The following ADARB2 variants were observed in gnomAD, a reference collection of about 807,000 sequenced individuals.
The protein encoded by ADARB2 is inactive double-stranded RNA-specific editase B2.
ADARB2 carries 25 observed loss-of-function variants against 62.2 expected under a neutral mutation model. The ratio of observed to expected loss-of-function variants is 0.40; its 90% CI spans 0.29 to 0.56. The LOEUF is 0.56. Among genes scored for constraint, ADARB2 ranks in the 20% least tolerant of loss-of-function variants. The pLI, the probability that ADARB2 is intolerant of heterozygous loss-of-function variation, is 0.43. For missense variants in ADARB2, 1,071 were observed against 1,077.4 expected (o/e 0.99, Z 0.08); for synonymous variants, 572 against 500.8 (o/e 1.14, Z -1.90).
chr10:1,414,029 C>T (rs954855873), intron 1 of ADARB2, among the ~76,000 whole-genome samples: 5 of 152,204 alleles, frequency 3.3e-5, no homozygotes, highest in Admixed American at 2.0e-4. Context: ...GTTCTTCAGA[C>T]GCTGTTCAGG....
At chr10:1,525,699 A>G (rs1181832967) in intron 1 of ADARB2, among the ~76,000 whole-genome samples, 2 of 152,200 alleles carry the variant, frequency 1.3e-5, no homozygotes, top group African/African-American at 4.8e-5. Context: ...GCACAGAGCT[A>G]GCCGAGGCAG....
At chr10:1,469,619 TGTC>T (rs879398867) in intron 1 of ADARB2, among the ~76,000 whole-genome samples, 35 of 152,320 alleles carry the variant, frequency 2.3e-4, no homozygotes, top group South Asian at 8.3e-4. Context: ...TGATGTTAGT[TGTC>T]GTAATTGATG....
chr10:1,688,759 T>C (rs1225630093), intron 1 of ADARB2, among the ~76,000 whole-genome samples: 1 of 152,206 alleles, frequency 6.6e-6, no homozygotes, highest in Non-Finnish European at 1.5e-5. Flanking sequence ...TGACTTACGT[T>C]AGCGCTGACT....
intron 4 of ADARB2, among the ~76,000 whole-genome samples, chr10:1,246,784 C>T (rs1481143532): frequency 7.3e-5 from 11 of 150,456 alleles, no homozygotes; most frequent in South Asian, 4.3e-4. Context: ...TGCCTCCAGC[C>T]TTGTTCTTTT....
chr10:1,200,371 G>T, intron 7 of ADARB2: 2 of 593,418 alleles, frequency 3.4e-6, no homozygotes. Context: ...GCTAACAAAT[G>T]CTGCTCTCTT....
rs1250234182 is a variant in ADARB2 at position 1,678,216 on chromosome 10, A to T, written c.100+58835T>A. On this transcript the variant is annotated intron_variant, in intron 1 of 9. Coordinates refer to ENST00000381312, the MANE Select transcript of ADARB2 (RefSeq NM_018702.4). ...ACAGGACCTCAGGGTGAGTGGCCTC[A>T]GGGTGAGCGACCTCAGGGTGAGTGT... The T allele has an allele frequency of 6.1e-6, 6 of 983,760 alleles. No individual in the cohort carries two copies. In the African/African-American group the frequency reaches 1.1e-4, roughly 18 times the overall value. The allele number at this position is 983,760 out of a possible 1,614,324, so 60.9% of individuals were successfully genotyped here. A position where few individuals can be genotyped will look rare whatever the true frequency, so the allele number is the denominator to read the frequency against.
intron 1 of ADARB2, among the ~76,000 whole-genome samples, chr10:1,536,275 C>T (rs1453001315): frequency 6.6e-6 from 1 of 152,202 alleles, no homozygotes; most frequent in Non-Finnish European, 1.5e-5. Context: ...CACGAGGACA[C>T]AGAAAGCGCC....
intron 3 of ADARB2, among the ~76,000 whole-genome samples, chr10:1,310,161 C>T (rs1295815653): frequency 6.6e-6 from 1 of 152,238 alleles, no homozygotes; most frequent in African/African-American, 2.4e-5. Context: ...CTATTTTGGA[C>T]CGAGCACTGT....
intron 3 of ADARB2, among the ~76,000 whole-genome samples, chr10:1,294,402 A>G (rs940228322): frequency 2.0e-5 from 3 of 152,136 alleles, no homozygotes; most frequent in Admixed American, 6.5e-5. Flanking sequence ...CAGTGTGAGG[A>G]TGAATTCCTC....
intron 1 of ADARB2, among the ~76,000 whole-genome samples, chr10:1,423,311 A>G (rs1037315892): frequency 5.9e-5 from 9 of 152,108 alleles, no homozygotes; most frequent in Non-Finnish European, 1.0e-4. Context: ...AGTCCTGTTT[A>G]TTCCTTAAAA....
At chr10:1,347,286 C>T (rs114766851) in intron 3 of ADARB2, among the ~76,000 whole-genome samples, 1,976 of 152,326 alleles carry the variant, frequency 0.013, 51 homozygotes, top group African/African-American at 0.045. Context: ...AGGACCGAGG[C>T]CTTGTCTCCC....
At chr10:1,444,835 A>T (rs1473537016) in intron 1 of ADARB2, among the ~76,000 whole-genome samples, 1 of 120,094 alleles carries the variant, frequency 8.3e-6, no homozygotes, top group East Asian at 2.6e-4. Flanking sequence ...CCACCCACCC[A>T]CCCCATCCAT....
chr10:1,319,081 AT>A (rs1397621125), intron 3 of ADARB2, among the ~76,000 whole-genome samples: 2 of 152,244 alleles, frequency 1.3e-5, no homozygotes, highest in Non-Finnish European at 2.9e-5. Flanking sequence ...CCCATGCCAC[AT>A]TGTGACAGTG....
intron 1 of ADARB2, among the ~76,000 whole-genome samples, chr10:1,442,929 C>T (rs1006083907): frequency 6.6e-6 from 1 of 152,016 alleles, no homozygotes; most frequent in East Asian, 1.9e-4. Context: ...GTCTGAAAAG[C>T]GAGTTGACTG....
intron 1 of ADARB2, among the ~76,000 whole-genome samples, chr10:1,393,843 T>C (rs1183383828): frequency 1.3e-5 from 2 of 152,168 alleles, no homozygotes; most frequent in African/African-American, 4.8e-5. Flanking sequence ...ATATTTAAAT[T>C]AGGAAAATAG....
intron 1 of ADARB2, among the ~76,000 whole-genome samples, chr10:1,663,862 C>T (rs1451898717): frequency 1.3e-5 from 2 of 152,314 alleles, no homozygotes; most frequent in East Asian, 3.9e-4. Flanking sequence ...AGGTGATCTG[C>T]TTGCCTCGGA....
In ADARB2 at chr10:1,710,017, G is replaced by T. The variant is rs531540728; in HGVS notation, c.100+27034C>A. 3.9e-5 allele frequency among the ~76,000 whole-genome samples: 6 copies of T among 152,264 alleles called. No individual in the cohort carries two copies. In the East Asian group the frequency reaches 7.7e-4, roughly 20 times the overall value. Reference sequence around the variant, plus strand: ...GCTCTCCTGAGAGCACAGTCCCCTCGCAGGGCTAATAACCTTCTCTGCAAA... The same window carrying T: ...GCTCTCCTGAGAGCACAGTCCCCTCTCAGGGCTAATAACCTTCTCTGCAAA... On this transcript the variant is annotated intron_variant, in intron 1 of 9. Coordinates refer to ENST00000381312, the MANE Select transcript of ADARB2 (RefSeq NM_018702.4).
intron 1 of ADARB2, among the ~76,000 whole-genome samples, chr10:1,520,427 C>T (rs1832059304): frequency 6.6e-6 from 1 of 152,126 alleles, no homozygotes; most frequent in African/African-American, 2.4e-5. Context: ...TGTCTGAATT[C>T]TCTAGACTTT....
intron 1 of ADARB2, among the ~76,000 whole-genome samples, chr10:1,618,563 T>TG (rs397846577): frequency 1.9e-5 from 2 of 107,538 alleles, no homozygotes; most frequent in African/African-American, 6.4e-5. Context: ...GATTTTTTTT[T>TG]GAGAGAGGGT....
Sources: allele counts gnomAD v4.1 joint callset (sites outside exome capture counted in the v4.1 genomes callset), GRCh38; gene constraint gnomAD v4.1.1; transcripts MANE v1.5; gene names NCBI Gene and HGNC (gene_info 2026-07-23, HGNC 2026-07-21).